PRKN: variants seen among roughly 807,000 people sequenced by gnomAD.
PRKN encodes parkin RBR E3 ubiquitin protein ligase.
Under a neutral mutation model 59.5 loss-of-function variants are expected in PRKN, and 56 were observed. The observed-to-expected ratio is 0.94, with a 90% confidence interval of 0.76 to 1.18. PRKN has a LOEUF of 1.18. Ranked by LOEUF, PRKN falls within the 50% of genes most tolerant of loss-of-function variation. The pLI is 0.00. For missense variants in PRKN, 657 were observed against 596.4 expected (o/e 1.10, Z -1.06); for synonymous variants, 250 against 222.1 (o/e 1.13, Z -1.12).
chr6:162,095,187 G>A (rs1779675296), intron 4 of PRKN, among the ~76,000 whole-genome samples: 1 of 152,150 alleles, frequency 6.6e-6, no homozygotes, highest in African/African-American at 2.4e-5. Context: ...TGACTTTTCT[G>A]GAGTTAGAGA....
chr6:162,266,765 G>A (rs529140003), intron 2 of PRKN, among the ~76,000 whole-genome samples: 4 of 152,256 alleles, frequency 2.6e-5, no homozygotes, highest in South Asian at 2.1e-4. Flanking sequence ...CTCAGATCCC[G>A]ATCCGCAATG....
chr6:162,627,549 CGAGG>C (rs1312068278), intron 1 of PRKN, among the ~76,000 whole-genome samples: 1 of 151,566 alleles, frequency 6.6e-6, no homozygotes, highest in Admixed American at 6.6e-5. Context: ...GAGTTGGAGG[CGAGG>C]GAGACTGGTG....
intron 2 of PRKN, among the ~76,000 whole-genome samples, chr6:162,275,799 G>T (rs1349423965): frequency 6.7e-6 from 1 of 149,958 alleles, no homozygotes; most frequent in East Asian, 2.0e-4. Context: ...AAAAAAAAAC[G>T]AAATTACAGA....
At chr6:161,987,729 T>C (rs1781486939) in intron 5 of PRKN, among the ~76,000 whole-genome samples, 1 of 152,204 alleles carries the variant, frequency 6.6e-6, no homozygotes, top group Non-Finnish European at 1.5e-5. Flanking sequence ...TTACATAGAT[T>C]GACTGAAAAA....
At chr6:162,212,299 G>C (rs1785237094) in intron 3 of PRKN, among the ~76,000 whole-genome samples, 1 of 151,828 alleles carries the variant, frequency 6.6e-6, no homozygotes, top group African/African-American at 2.4e-5. Flanking sequence ...GCTTCTCAAG[G>C]GCAAGTTTCA....
intron 2 of PRKN, among the ~76,000 whole-genome samples, chr6:162,274,763 T>A (rs937285313): frequency 6.6e-6 from 1 of 152,172 alleles, no homozygotes; most frequent in Non-Finnish European, 1.5e-5. Flanking sequence ...TGAACAAGTT[T>A]CTTCATTGTC....
chr6:162,534,904 C>A (rs1778655750), intron 1 of PRKN, among the ~76,000 whole-genome samples: 1 of 152,104 alleles, frequency 6.6e-6, no homozygotes, highest in Non-Finnish European at 1.5e-5. Flanking sequence ...TGCCTTGACC[C>A]CCTGCCTTCC....
intron 2 of PRKN, among the ~76,000 whole-genome samples, chr6:162,391,943 T>G (rs149324469): frequency 9.2e-5 from 14 of 152,358 alleles, no homozygotes; most frequent in African/African-American, 3.1e-4. Flanking sequence ...TGCACTTGGC[T>G]AAGATTATGG....
chr6:162,381,582 G>A (rs1053635531), intron 2 of PRKN, among the ~76,000 whole-genome samples: 2 of 152,044 alleles, frequency 1.3e-5, no homozygotes, highest in East Asian at 3.9e-4. Flanking sequence ...TGTTTCTATT[G>A]TGTATAAGCT....
rs1554244227 is a variant in PRKN, at chr6:161,897,984, A to AAAAAAAAAAAAAAAAAAAAAAT, written c.734+75317_734+75318insATTTTTTTTTTTTTTTTTTTTT. 1.2e-3 allele frequency among the ~76,000 whole-genome samples: 139 copies of AAAAAAAAAAAAAAAAAAAAAAT among 117,636 alleles called. 20 individuals are homozygous for AAAAAAAAAAAAAAAAAAAAAAT. The highest frequency in any genetic ancestry group is 5.2e-3 in the African/African-American group (125 of 23,994). The allele number at this position is 117,636 out of a possible 152,430, so 77.2% of individuals were successfully genotyped here. A position where few individuals can be genotyped will look rare whatever the true frequency, so the allele number is the denominator to read the frequency against. On this transcript the variant is annotated intron_variant, in intron 6 of 11. Coordinates refer to ENST00000366898, the MANE Select transcript of PRKN (RefSeq NM_004562.3). The stretch of plus-strand genomic sequence containing the variant: ...TCCGTCTCAAAAAAAAAAAAAAAAA[A>AAAAAAAAAAAAAAAAAAAAAAT]GTCTCCCAGTTGCATAGAAAAGGTT...
At chr6:162,681,938 T>A (rs1273953171) in intron 1 of PRKN, among the ~76,000 whole-genome samples, 1 of 152,156 alleles carries the variant, frequency 6.6e-6, no homozygotes, top group African/African-American at 2.4e-5. Context: ...GTGCATTTTG[T>A]CCAATTCTTT....
chr6:162,417,641 G>A (rs931375177), intron 2 of PRKN, among the ~76,000 whole-genome samples: 3 of 152,154 alleles, frequency 2.0e-5, no homozygotes, highest in Admixed American at 2.0e-4. Flanking sequence ...AAATTAAAGC[G>A]CTCTCAAATG....
intron 6 of PRKN, among the ~76,000 whole-genome samples, chr6:161,908,360 G>A (rs969695325): frequency 2.6e-5 from 4 of 152,052 alleles, no homozygotes; most frequent in African/African-American, 9.7e-5. Flanking sequence ...AAATTCAACT[G>A]TATGTTCCTT....
intron 10 of PRKN, among the ~76,000 whole-genome samples, chr6:161,364,083 G>A (rs1201718639): frequency 4.1e-5 from 6 of 147,096 alleles, no homozygotes; most frequent in African/African-American, 1.5e-4. Context: ...GCAGAAGAAT[G>A]GCGTGAACCC....
intron 6 of PRKN, among the ~76,000 whole-genome samples, chr6:161,803,478 C>T (rs773377531): frequency 1.3e-5 from 2 of 152,180 alleles, no homozygotes; most frequent in African/African-American, 2.4e-5. Context: ...CCTTTCACCA[C>T]GAGAAGAACT....
chr6:162,176,488 T>C (rs1783542774), intron 4 of PRKN, among the ~76,000 whole-genome samples: 1 of 152,142 alleles, frequency 6.6e-6, no homozygotes, highest in Non-Finnish European at 1.5e-5. Flanking sequence ...AAAGGATTAT[T>C]TAATAAATGG....
At chr6:162,359,079 A>AAAAAAAAAAATATATATATATAT (rs57265104) in intron 2 of PRKN, among the ~76,000 whole-genome samples, 3 of 83,240 alleles carry the variant, frequency 3.6e-5, no homozygotes, top group African/African-American at 2.2e-4. Flanking sequence ...AAAAAAAAAA[A>AAAAAAAAAAATATATATATATAT]ATATATATAT....
At chr6:162,572,061 A>C (rs918183219) in intron 1 of PRKN, among the ~76,000 whole-genome samples, 1 of 152,046 alleles carries the variant, frequency 6.6e-6, no homozygotes, top group African/African-American at 2.4e-5. Flanking sequence ...CCCCCATCTC[A>C]TTACCCATCC....
intron 1 of PRKN, among the ~76,000 whole-genome samples, chr6:162,710,374 AACACACACACAC>A (rs138911423): frequency 3.1e-4 from 39 of 125,302 alleles, no homozygotes; most frequent in African/African-American, 5.8e-4. Context: ...ACCCCCTACA[AACACACACACAC>A]ACACACACAC....
Sources: gnomAD v4.1 joint callset for allele counts (sites outside exome capture counted in the v4.1 genomes callset) on GRCh38, gnomAD v4.1.1 for gene constraint, MANE v1.5 for transcripts, NCBI Gene and HGNC (gene_info 2026-07-23, HGNC 2026-07-21) for gene names.